MED16: variants seen among roughly 807,000 people sequenced by gnomAD.
MED16 encodes mediator of RNA polymerase II transcription subunit 16.
Under a neutral mutation model 84.4 loss-of-function variants are expected in MED16, and 81 were observed. The observed-to-expected ratio is 0.96, with a 90% confidence interval of 0.80 to 1.15. The LOEUF is 1.15. MED16 is among the 50% of genes most tolerant of loss of function. The probability of loss-of-function intolerance (pLI) is 0.00; values close to 1 mark genes in which losing one functional copy is unlikely to be tolerated. For missense variants in MED16, 1,585 were observed against 1,245.9 expected, an observed-to-expected ratio of 1.27 and a Z score of -4.10; for synonymous variants, 897 against 552.2, an observed-to-expected ratio of 1.62 and a Z score of -8.76.
intron 8 of MED16, among the ~76,000 whole-genome samples, 197 bp from the exon 9 acceptor site, chr19:877,377 G>A (rs979084651): frequency 2.6e-5 from 4 of 152,138 alleles, no homozygotes; most frequent in Admixed American, 6.5e-5. Context: ...CTGGGAACAG[G>A]GAAGGAAACC....
At chr19:870,297 A>T (rs993550100) in intron 13 of MED16, among the ~76,000 whole-genome samples, 1 of 152,174 alleles carries the variant, frequency 6.6e-6, no homozygotes, top group African/African-American at 2.4e-5. Context: ...GCGGTGGCTC[A>T]CACCTGTAAT....
At position 885,941 on chromosome 19, in the gene MED16, C is replaced by T. The variant is rs372367009; in HGVS notation, c.708G>A (p.Ala236=). 60 of 1,612,846 alleles carry T rather than the reference C, an allele frequency of 3.7e-5. No individual in the cohort carries two copies. Among genetic ancestry groups the T allele is most frequent in the South Asian group, 2.7e-4 (25 of 91,086 alleles). The change falls in exon 5 of 16, where the codon GCG becomes GCA. Residue 236 remains alanine (A), a synonymous_variant. Coordinates refer to ENST00000325464, the MANE Select transcript of MED16 (RefSeq NM_005481.3). ...ACACCTTGTAGAACTGCACGGGCGA[C>T]GCGCTGCTGCCGTCCGCCGTGGCCA... ...IVVATADGSS[A]SPVQFYKVCV... is the part of the protein sequence containing the mutation.
intron 6 of MED16, 125 bp from the exon 7 acceptor site, chr19:881,839 T>C: frequency 8.6e-7 from 1 of 1,157,300 alleles, no homozygotes; most frequent in Non-Finnish European, 1.2e-6. Context: ...CATGCCGCCC[T>C]GCTCCCATGC....
intron 14 of MED16, 47 bp downstream of exon 14, chr19:868,816 C>T: frequency 6.6e-7 from 1 of 1,520,886 alleles, no homozygotes. Context: ...GCTGAGCCAT[C>T]CCCAGCGGCA....
At chr19:877,460 G>C (rs549275659) in intron 8 of MED16, among the ~76,000 whole-genome samples, 1 of 151,720 alleles carries the variant, frequency 6.6e-6, no homozygotes, top group Non-Finnish European at 1.5e-5. Context: ...AGTCTACCCC[G>C]TGAAAGGCGG....
At chr19:872,631 G>T (rs1032207314) in intron 11 of MED16, among the ~76,000 whole-genome samples, 5 of 151,616 alleles carry the variant, frequency 3.3e-5, no homozygotes, top group African/African-American at 1.2e-4. Flanking sequence ...ATCACAGCTG[G>T]GGCAGGACAG....
At position 877,051 on chromosome 19, in the gene MED16, C is replaced by T. The variant is rs755155990; in HGVS notation, c.1483G>A (p.Val495Met). The T allele has an allele frequency of 5.0e-6, 8 of 1,612,496 alleles. No homozygotes were observed. The highest frequency in any genetic ancestry group is 1.3e-5 in the African/African-American group (1 of 74,932). Residue 495 changes from valine (V) to methionine (M), a missense_variant, in exon 9 of 16, where the codon GTG becomes ATG. Val to Met is a conservative substitution (Grantham distance 21). Transcript: ENST00000325464. ...AGGCTCTGTACCATACTGGGCTGCA[C>T]GTGCAGCAGGATGTCCCACCAGTCG... ...GYDWWDILLH[V>M]QPSMVQSLVE...
intron 8 of MED16, among the ~76,000 whole-genome samples, chr19:878,000 T>C (rs12984209): frequency 5.4e-3 from 85 of 15,720 alleles, no homozygotes; most frequent in Non-Finnish European, 6.5e-3. Context: ...AGCTCACCTT[T>C]CCGTGGTTGT....
chr19:876,456 G>A (rs1034959527), intron 9 of MED16, among the ~76,000 whole-genome samples: 12 of 152,116 alleles, frequency 7.9e-5, no homozygotes, highest in African/African-American at 2.4e-4. Context: ...CTGAGAGGAT[G>A]GCTTAGAAAG....
chr19:871,439 G>A (rs1358913679), intron 12 of MED16, among the ~76,000 whole-genome samples, 186 bp from the exon 13 acceptor site: 3 of 152,106 alleles, frequency 2.0e-5, no homozygotes, highest in Non-Finnish European at 4.4e-5. Flanking sequence ...CTGGCTGGGT[G>A]ACCCCAGAGT....
At chr19:876,650 C>G (rs914806415) in intron 9 of MED16, among the ~76,000 whole-genome samples, 56 of 152,106 alleles carry the variant, frequency 3.7e-4, no homozygotes, top group Non-Finnish European at 7.4e-5. Flanking sequence ...CTGCCACAGG[C>G]TACCTGCCCC....
At chr19:878,684 C>G (rs1186058568) in intron 8 of MED16, among the ~76,000 whole-genome samples, 4 of 129,530 alleles carry the variant, frequency 3.1e-5, no homozygotes, top group African/African-American at 1.2e-4. Context: ...CCCAACAGCC[C>G]CAACCCCACG....
At chr19:870,148 G>A (rs2036011009) in intron 13 of MED16, among the ~76,000 whole-genome samples, 1 of 152,188 alleles carries the variant, frequency 6.6e-6, no homozygotes, top group African/African-American at 2.4e-5. Context: ...ATATGCTAAG[G>A]CGTCTCTCTC....
chr19:888,626 A>G (rs2036571093), intron 4 of MED16, among the ~76,000 whole-genome samples: 1 of 151,872 alleles, frequency 6.6e-6, no homozygotes, highest in Admixed American at 6.6e-5. Context: ...TGGGCTGCAC[A>G]CTCTCAATGG....
intron 13 of MED16, among the ~76,000 whole-genome samples, chr19:870,178 G>A (rs544623624): frequency 1.3e-4 from 20 of 152,284 alleles, no homozygotes; most frequent in Admixed American, 9.8e-4. Flanking sequence ...AGGGATCTAC[G>A]GCGAGGCCTG....
chr19:880,491 A>G (rs2036397683), intron 7 of MED16, among the ~76,000 whole-genome samples: 1 of 152,146 alleles, frequency 6.6e-6, no homozygotes, highest in Non-Finnish European at 1.5e-5. Context: ...TGGCGTCCCA[A>G]AGAGAGGCAT....
intron 12 of MED16, chr19:871,604 G>A (rs72984030): frequency 0.046 from 73,487 of 1,595,440 alleles, 1,896 homozygotes; most frequent in Middle Eastern, 0.064. Flanking sequence ...GCAAACAGGT[G>A]CCTGGAAGTG....
chr19:889,643 C>T lies in MED16; in HGVS notation c.442G>A (p.Glu148Lys). ...HNGVKLALHV[E>K]KSGASSFGEK... is the part of the protein sequence containing the mutation. Reference sequence around the variant, plus strand: ...CACTCGGGCAGGACACTCACCTTCTCCACGTGCAGGGCCAGTTTCACACCA... The same window carrying T: ...CACTCGGGCAGGACACTCACCTTCTTCACGTGCAGGGCCAGTTTCACACCA... The change falls in exon 4 of 16, where the codon GAG becomes AAG. Residue 148 changes from glutamate to lysine, a missense_variant. Physicochemically the swap from Glu to Lys is moderately conservative, Grantham distance 56. Coordinates refer to ENST00000325464, the MANE Select transcript of MED16 (RefSeq NM_005481.3). 3 of 1,609,626 alleles carry T rather than the reference C, an allele frequency of 1.9e-6. No individual in the cohort carries two copies. Among genetic ancestry groups the T allele is most frequent in the Non-Finnish European group, 2.5e-6 (3 of 1,176,590 alleles).
At position 892,876 on chromosome 19, in the gene MED16, CCCCGA is replaced by C. The variant is rs1395811625; in HGVS notation, c.-19+205_-19+209del. ...CCAGGTTTCCGCCGCAAACCCTGAGCCCCGAGCCCCGCGCCCCGCGCCCCGCGCCC... is the reference window on the plus strand; with the variant it reads ...CCAGGTTTCCGCCGCAAACCCTGAGCGCCCCGCGCCCCGCGCCCCGCGCCC... On this transcript the variant is annotated intron_variant, in intron 1 of 15. Coordinates refer to ENST00000325464, the MANE Select transcript of MED16 (RefSeq NM_005481.3). 3 of 85,116 alleles carry C rather than the reference CCCCGA, an allele frequency of 3.5e-5. No individual in the cohort carries two copies. The East Asian group carries it at 6.8e-4, about 19-fold the overall frequency. The allele number at this position is 85,116 out of a possible 1,614,324, so 5.3% of individuals were successfully genotyped here. A position where few individuals can be genotyped will look rare whatever the true frequency, so the allele number is the denominator to read the frequency against.
Sources: allele counts gnomAD v4.1 joint callset (sites outside exome capture counted in the v4.1 genomes callset), GRCh38; gene constraint gnomAD v4.1.1; transcripts MANE v1.5; gene names NCBI Gene and HGNC (gene_info 2026-07-23, HGNC 2026-07-21).